GALNT10: variants seen among roughly 807,000 people sequenced by gnomAD.
GALNT10 encodes polypeptide N-acetylgalactosaminyltransferase 10.
GALNT10 carries 41 observed loss-of-function variants against 75.0 expected under a neutral mutation model. That is an observed-to-expected ratio of 0.55 (90% CI 0.43 to 0.71). The LOEUF (loss-of-function observed/expected upper bound fraction) is 0.71. GALNT10 is among the 30% of genes least tolerant of loss of function. The pLI is 0.00. For synonymous variants in GALNT10, 302 were observed against 313.0 expected (o/e 0.96, Z 0.37); for missense variants, 727 against 818.5 (o/e 0.89, Z 1.36).
chr5:154,191,155 T>G (rs1774853220), intron 1 of GALNT10, 130 bp downstream of exon 1: 3 of 623,618 alleles, frequency 4.8e-6, no homozygotes, highest in Non-Finnish European at 7.1e-6. Context: ...GCTCTTCCCA[T>G]TTTCCGGATG....
chr5:154,202,767 C>T (rs1300539937), intron 1 of GALNT10, among the ~76,000 whole-genome samples: 1 of 152,212 alleles, frequency 6.6e-6, no homozygotes, highest in Admixed American at 6.5e-5. Flanking sequence ...ACCCCTCCCT[C>T]GGGGCGGTTG....
intron 1 of GALNT10, among the ~76,000 whole-genome samples, chr5:154,279,808 A>G (rs1754012394): frequency 6.6e-6 from 1 of 152,074 alleles, no homozygotes; most frequent in Admixed American, 6.6e-5. Flanking sequence ...GGCTGGTATG[A>G]GTTCTTTATG....
chr5:154,222,505 T>C (rs1752997800), intron 1 of GALNT10, among the ~76,000 whole-genome samples: 1 of 152,240 alleles, frequency 6.6e-6, no homozygotes, highest in Admixed American at 6.5e-5. Context: ...GGCTGGATTG[T>C]ATGGTATATA....
intron 4 of GALNT10, among the ~76,000 whole-genome samples, chr5:154,363,208 A>G (rs1755418905): frequency 1.3e-5 from 2 of 152,228 alleles, no homozygotes; most frequent in South Asian, 4.1e-4. Flanking sequence ...AAATAGAGCA[A>G]ACTTAAGAGT....
chr5:154,263,098 A>C (rs1040162607), intron 1 of GALNT10, among the ~76,000 whole-genome samples: 2 of 152,176 alleles, frequency 1.3e-5, no homozygotes, highest in Non-Finnish European at 1.5e-5. Context: ...CAATTCCTTA[A>C]AAGGTTAAAC....
intron 1 of GALNT10, among the ~76,000 whole-genome samples, chr5:154,191,494 C>T (rs1204304451): frequency 7.9e-6 from 1 of 126,520 alleles, no homozygotes; most frequent in Non-Finnish European, 1.6e-5. Context: ...CAGGTCAGCC[C>T]TTTTCCTGAT....
At chr5:154,357,534 T>TTCC (rs1228495686) in intron 4 of GALNT10, among the ~76,000 whole-genome samples, 1 of 152,160 alleles carries the variant, frequency 6.6e-6, no homozygotes, top group Non-Finnish European at 1.5e-5. Flanking sequence ...AGAGTTTATG[T>TTCC]TCCTTTCAAG....
At chr5:154,315,486 C>T (rs777870415) in intron 3 of GALNT10, among the ~76,000 whole-genome samples, 1 of 152,208 alleles carries the variant, frequency 6.6e-6, no homozygotes, top group Non-Finnish European at 1.5e-5. Flanking sequence ...GAGGCCTTAG[C>T]TCTCCTCTGT....
intron 1 of GALNT10, among the ~76,000 whole-genome samples, chr5:154,192,311 G>C (rs1774870247): frequency 6.6e-6 from 1 of 152,234 alleles, no homozygotes; most frequent in Non-Finnish European, 1.5e-5. Context: ...GGGTCTCATT[G>C]ATCTTTCTGG....
intron 1 of GALNT10, among the ~76,000 whole-genome samples, chr5:154,293,614 T>TAATATATATATATATATA (rs60780135): frequency 9.4e-6 from 1 of 106,412 alleles, no homozygotes; most frequent in African/African-American, 4.1e-5. Context: ...TATATATATA[T>TAATATATATATATATATA]TTTTTTTTTC....
intron 7 of GALNT10, among the ~76,000 whole-genome samples, chr5:154,397,772 A>T (rs1756078187): frequency 6.6e-6 from 1 of 152,238 alleles, no homozygotes; most frequent in Non-Finnish European, 1.5e-5. Context: ...ATCTCTGGGC[A>T]GGTCGGGTGC....
At chr5:154,261,418 A>G (rs1200842157) in intron 1 of GALNT10, among the ~76,000 whole-genome samples, 1 of 152,184 alleles carries the variant, frequency 6.6e-6, no homozygotes, top group Non-Finnish European at 1.5e-5. Flanking sequence ...TCAAACCCTA[A>G]GATCCCTTGA....
chr5:154,416,256 A>G lies in GALNT10; in HGVS notation c.1653+324A>G, dbSNP rs1421572504. 6.6e-6 allele frequency among the ~76,000 whole-genome samples: 1 copy of G among 151,844 alleles called. No homozygotes were observed. Among genetic ancestry groups the G allele is most frequent in the Non-Finnish European group, 1.5e-5 (1 of 67,970 alleles). On this transcript the variant is annotated intron_variant, in intron 11 of 11. Transcript: ENST00000297107. This position sits in a 1 kb window ranked among gnomAD's most constrained non-coding sequence, Gnocchi z 4.5. ...GGAGTTCGAGACTAGCCTGGCCAAC[A>G]TGGTGAAACCCCGTCTCTATACAAA...
intron 4 of GALNT10, among the ~76,000 whole-genome samples, chr5:154,362,529 C>T (rs889543803): frequency 6.6e-6 from 1 of 152,208 alleles, no homozygotes; most frequent in Non-Finnish European, 1.5e-5. Flanking sequence ...ACGCTAATTA[C>T]TAATGCATCT....
In GALNT10 at chr5:154,191,006, T is replaced by G. The variant is rs1561623703; in HGVS notation, c.140T>G (p.Val47Gly). The G allele has an allele frequency of 6.8e-7, 1 of 1,472,102 alleles. No individual in the cohort carries two copies. The highest frequency in any genetic ancestry group is 1.4e-5 in the African/African-American group (1 of 69,510). 91.2% of individuals were successfully genotyped at this position (1,472,102 alleles called of 1,614,324 possible). The change falls in exon 1 of 12, where the codon GTG (valine) becomes GGG (glycine). Residue 47 changes from valine to glycine, a missense_variant. Physicochemically the swap from Val to Gly is moderately radical, Grantham distance 109 (BLOSUM62 -3). Coordinates refer to ENST00000297107, the MANE Select transcript of GALNT10 (RefSeq NM_198321.4). ...ACCCCTGGGGGATCGGGGGCGGCGG[T>G]GGCGCCGGCGGCGGGACAGGTGAGT... is the stretch of plus-strand genomic sequence containing the variant. ...DGTPGGSGAA[V>G]APAAGQGSHS...
chr5:154,247,217 G>A (rs1244507343), intron 1 of GALNT10, among the ~76,000 whole-genome samples: 2 of 152,196 alleles, frequency 1.3e-5, no homozygotes, highest in Non-Finnish European at 2.9e-5. Context: ...CTGTAGCCTT[G>A]TAGTATAGTT....
intron 1 of GALNT10, chr5:154,220,326 C>A (rs181007233): frequency 2.0e-5 from 3 of 152,208 alleles, no homozygotes; most frequent in Non-Finnish European, 4.4e-5. Flanking sequence ...AGCCACCATG[C>A]AGGAACATGA....
chr5:154,368,324 T>C (rs1755509076), intron 4 of GALNT10, among the ~76,000 whole-genome samples: 1 of 152,232 alleles, frequency 6.6e-6, no homozygotes, highest in Non-Finnish European at 1.5e-5. Flanking sequence ...TCAGCAGAGA[T>C]GCTCTCGCTG....
chr5:154,354,507 G>A (rs1348642742), intron 4 of GALNT10, among the ~76,000 whole-genome samples: 1 of 152,180 alleles, frequency 6.6e-6, no homozygotes, highest in African/African-American at 2.4e-5. Context: ...CTACCTGATT[G>A]TCTCTCATCT....
Sources: gnomAD v4.1 joint callset for allele counts (sites outside exome capture counted in the v4.1 genomes callset) on GRCh38, gnomAD v4.1.1 for gene constraint, Gnocchi (gnomAD v3.1) non-coding constraint, MANE v1.5 for transcripts, NCBI Gene and HGNC (gene_info 2026-07-23, HGNC 2026-07-21) for gene names.